The following ANO4 variants were observed in gnomAD, a reference collection of about 807,000 sequenced individuals.
The protein encoded by ANO4 is anoctamin 4.
Under a neutral mutation model 141.9 loss-of-function variants are expected in ANO4, and 69 were observed. That is an observed-to-expected ratio of 0.49 (90% CI 0.40 to 0.59). ANO4 has a LOEUF of 0.59. ANO4 is among the 20% of genes least tolerant of loss of function. The probability of loss-of-function intolerance (pLI) is 0.00; values close to 1 mark genes in which losing one functional copy is unlikely to be tolerated. For missense variants in ANO4, 894 were observed against 1,162.2 expected (o/e 0.77, Z 3.36); for synonymous variants, 350 against 394.3 (o/e 0.89, Z 1.33).
Position 101,010,473 on chromosome 12 carries a change from A to G in ANO4, c.735-9561A>G, listed in dbSNP as rs10431412. Among the ~76,000 whole-genome samples, 394 of 152,300 alleles carry G rather than the reference A, an allele frequency of 2.6e-3. 5 individuals are homozygous for G. In the East Asian group the frequency reaches 0.03, roughly 12 times the overall value. On this transcript the variant is annotated intron_variant, in intron 8 of 27. Transcript: ENST00000392977. Reference sequence around the variant, plus strand: ...CCAAATAGTCAGAACTTTCAATGTTATATATTTGGCCTGACAATCTTCTCA... The same window carrying G: ...CCAAATAGTCAGAACTTTCAATGTTGTATATTTGGCCTGACAATCTTCTCA...
At chr12:100,938,596 C>T (rs566316346) in intron 3 of ANO4, among the ~76,000 whole-genome samples, 3 of 152,292 alleles carry the variant, frequency 2.0e-5, no homozygotes, top group Admixed American at 2.0e-4. Flanking sequence ...TGGTGATGAA[C>T]TTAAATTTCT....
chr12:100,874,502 G>A (rs1401647191), intron 1 of ANO4, among the ~76,000 whole-genome samples: 2 of 152,070 alleles, frequency 1.3e-5, no homozygotes, highest in Non-Finnish European at 2.9e-5. Flanking sequence ...TTATTTTGGA[G>A]TTTTAAGTTT....
intron 1 of ANO4, among the ~76,000 whole-genome samples, chr12:100,726,119 T>C (rs946408973): frequency 1.3e-5 from 2 of 152,360 alleles, no homozygotes; most frequent in Middle Eastern, 3.4e-3. Context: ...CTGAAATTAC[T>C]TGGAGATGGA....
intron 1 of ANO4, among the ~76,000 whole-genome samples, chr12:100,830,069 G>A (rs981828574): frequency 2.0e-5 from 3 of 152,016 alleles, no homozygotes; most frequent in African/African-American, 7.2e-5. Context: ...TAGGACTATA[G>A]TCATTATGCC....
intron 23 of ANO4, 52 bp from the exon 24 acceptor site, chr12:101,111,511 T>C: frequency 7.1e-7 from 1 of 1,416,896 alleles, no homozygotes. Flanking sequence ...TTTTTCATAA[T>C]TATCACCTCT....
At chr12:100,996,345 T>C (rs1592962830) in intron 8 of ANO4, among the ~76,000 whole-genome samples, 1 of 152,290 alleles carries the variant, frequency 6.6e-6, no homozygotes, top group Non-Finnish European at 1.5e-5. Flanking sequence ...GAAAAAGCGC[T>C]AACAATGGAA....
At chr12:100,723,052 G>A (rs1271531996) in intron 1 of ANO4, among the ~76,000 whole-genome samples, 4 of 151,878 alleles carry the variant, frequency 2.6e-5, no homozygotes, top group Non-Finnish European at 5.9e-5. Flanking sequence ...GGTCAACATC[G>A]ATTAGGATCC....
At chr12:100,840,359 A>G (rs1453465537) in intron 1 of ANO4, among the ~76,000 whole-genome samples, 1 of 152,142 alleles carries the variant, frequency 6.6e-6, no homozygotes, top group African/African-American at 2.4e-5. Context: ...TAGTAATCCT[A>G]CCATCTATAT....
intron 4 of ANO4, among the ~76,000 whole-genome samples, chr12:100,939,653 G>A (rs1279515750): frequency 1.3e-5 from 2 of 152,086 alleles, no homozygotes; most frequent in African/African-American, 4.8e-5. Context: ...ACAAAACAAA[G>A]TTTCAGTTTT....
intron 26 of ANO4, among the ~76,000 whole-genome samples, chr12:101,122,486 T>C: frequency 6.6e-6 from 1 of 152,252 alleles, no homozygotes; most frequent in East Asian, 1.9e-4. Context: ...GGGTATTTCC[T>C]AGGTTTTCTT....
intron 1 of ANO4, among the ~76,000 whole-genome samples, chr12:100,863,153 A>G (rs986060138): frequency 6.6e-6 from 1 of 152,200 alleles, no homozygotes; most frequent in Non-Finnish European, 1.5e-5. Context: ...GAAGCAGGCC[A>G]GAGTAATTGG....
rs149000752 is a variant in ANO4, at chr12:100,848,990, A to G, written c.-140-52656A>G. On this transcript the variant is annotated intron_variant, in intron 1 of 27. Coordinates refer to ENST00000392977, the MANE Select transcript of ANO4 (RefSeq NM_001286615.2). ...CTCAGTTTTCTGTCTTTCCTACTGT[A>G]TTATGAGCTCCTTTAAATAAGACCT... Among the ~76,000 whole-genome samples the G allele has an allele frequency of 3.9e-5, 6 of 152,298 alleles. No individual in the cohort carries two copies. In the East Asian group the frequency reaches 1.2e-3, roughly 29 times the overall value.
chr12:100,746,134 G>C (rs1288412755), intron 3 of ANO4, among the ~76,000 whole-genome samples: 1 of 152,182 alleles, frequency 6.6e-6, no homozygotes, highest in East Asian at 1.9e-4. Flanking sequence ...CCTCCTGAAA[G>C]AATGACTAAA....
chr12:100,864,313 A>C (rs1205338206), intron 1 of ANO4, among the ~76,000 whole-genome samples: 1 of 152,122 alleles, frequency 6.6e-6, no homozygotes, highest in African/African-American at 2.4e-5. Context: ...CACGAATTAC[A>C]TGGAAGTAGA....
chr12:100,912,567 G>T (rs1444744581), intron 2 of ANO4, among the ~76,000 whole-genome samples: 1 of 151,970 alleles, frequency 6.6e-6, no homozygotes, highest in Non-Finnish European at 1.5e-5. Context: ...CTTATTATGG[G>T]TGTTTTTTCC....
chr12:101,008,965 C>CT (rs912884014), intron 8 of ANO4, among the ~76,000 whole-genome samples: 19 of 152,154 alleles, frequency 1.2e-4, no homozygotes, highest in African/African-American at 2.6e-4. Context: ...ATTTCTTACA[C>CT]TTTTTTTATT....
intron 14 of ANO4, among the ~76,000 whole-genome samples, chr12:101,050,585 T>C (rs907020120): frequency 6.6e-6 from 1 of 152,246 alleles, no homozygotes; most frequent in Non-Finnish European, 1.5e-5. Context: ...TCTGGAAATA[T>C]ATTCATTTCC....
chr12:100,885,037 T>C (rs1342619546), intron 1 of ANO4, among the ~76,000 whole-genome samples: 1 of 152,152 alleles, frequency 6.6e-6, no homozygotes, highest in East Asian at 1.9e-4. Flanking sequence ...ATCCCTAGAC[T>C]CATGGTCCCT....
chr12:100,772,401 C>T (rs1238701424), intron 3 of ANO4, among the ~76,000 whole-genome samples: 1 of 152,184 alleles, frequency 6.6e-6, no homozygotes, highest in East Asian at 1.9e-4. Flanking sequence ...GCTTCTACTC[C>T]TCTGCCTGGC....
Sources: allele counts gnomAD v4.1 joint callset (sites outside exome capture counted in the v4.1 genomes callset), GRCh38; gene constraint gnomAD v4.1.1; transcripts MANE v1.5; gene names NCBI Gene and HGNC (gene_info 2026-07-23, HGNC 2026-07-21).